Variants in FGF12 observed in about 807,000 individuals in gnomAD.
FGF12 encodes fibroblast growth factor 12.
In FGF12, 14 loss-of-function variants were observed where a neutral mutation model predicts 23.6. The ratio of observed to expected loss-of-function variants is 0.59; its 90% CI spans 0.39 to 0.93. The LOEUF (loss-of-function observed/expected upper bound fraction) is 0.93, where lower values mean the gene tolerates loss of function less well. Ranked by LOEUF, FGF12 falls within the 40% of genes least tolerant of loss-of-function variation. FGF12 has a pLI of 0.00. For synonymous variants in FGF12, 62 were observed against 77.3 expected (o/e 0.80, Z 1.04); for missense variants, 175 against 217.8 (o/e 0.80, Z 1.24).
chr3:192,163,989 A>C (rs953121397), intron 5 of FGF12, among the ~76,000 whole-genome samples: 1 of 152,130 alleles, frequency 6.6e-6, no homozygotes, highest in Non-Finnish European at 1.5e-5. Flanking sequence ...TTATTTCTCC[A>C]GGTCTCAGCT....
intron 2 of FGF12, among the ~76,000 whole-genome samples, chr3:192,521,640 T>A (rs1025532031): frequency 2.6e-5 from 4 of 152,146 alleles, no homozygotes; most frequent in Non-Finnish European, 5.9e-5. Flanking sequence ...CTATAAATTA[T>A]ACACATTTCT....
chr3:192,487,602 T>A (rs1404822411), intron 2 of FGF12, among the ~76,000 whole-genome samples: 3 of 152,112 alleles, frequency 2.0e-5, no homozygotes, highest in Non-Finnish European at 4.4e-5. Flanking sequence ...GGGCAGGGTA[T>A]TGTATACAAA....
chr3:192,722,449 G>A (rs891244943), intron 2 of FGF12, among the ~76,000 whole-genome samples: 2 of 152,190 alleles, frequency 1.3e-5, no homozygotes, highest in South Asian at 2.1e-4. Flanking sequence ...TACCTTAAGT[G>A]TGTTGGTTCA....
chr3:192,557,943 A>T (rs1711858445), intron 2 of FGF12, among the ~76,000 whole-genome samples: 1 of 151,954 alleles, frequency 6.6e-6, no homozygotes, highest in East Asian at 1.9e-4. Context: ...ACTATATATA[A>T]AAAACCAACA....
intron 2 of FGF12, among the ~76,000 whole-genome samples, chr3:192,394,751 T>G (rs185054876): frequency 6.6e-6 from 1 of 152,262 alleles, no homozygotes; most frequent in Admixed American, 6.5e-5. Flanking sequence ...AAGGTTGGGT[T>G]TCAAACCAAG....
intron 2 of FGF12, among the ~76,000 whole-genome samples, chr3:192,618,610 G>A (rs916705006): frequency 2.0e-5 from 3 of 152,018 alleles, no homozygotes; most frequent in African/African-American, 7.2e-5. Flanking sequence ...CTAAAACTCT[G>A]GCTCAGAAAT....
At chr3:192,656,332 T>C (rs1365939807) in intron 2 of FGF12, among the ~76,000 whole-genome samples, 1 of 148,458 alleles carries the variant, frequency 6.7e-6, no homozygotes, top group Non-Finnish European at 1.5e-5. Context: ...GAGAGAGAAT[T>C]ATAGTAAAGC....
intron 2 of FGF12, among the ~76,000 whole-genome samples, chr3:192,406,616 T>C (rs1273686853): frequency 6.6e-6 from 1 of 152,198 alleles, no homozygotes; most frequent in African/African-American, 2.4e-5. Flanking sequence ...TAGAGACTAA[T>C]AGCTCCTGTC....
At chr3:192,684,400 A>G (rs895844411) in intron 2 of FGF12, among the ~76,000 whole-genome samples, 1 of 152,210 alleles carries the variant, frequency 6.6e-6, no homozygotes, top group African/African-American at 2.4e-5. Context: ...GAACATGCCA[A>G]TCAAGACCAA....
intron 2 of FGF12, among the ~76,000 whole-genome samples, chr3:192,502,908 C>CT (rs147898010): frequency 6.6e-6 from 1 of 152,350 alleles, no homozygotes; most frequent in East Asian, 1.9e-4. Flanking sequence ...TAGCTAATAT[C>CT]TAGCTTAACA....
At chr3:192,167,759 ATATATATATAAAATTT>A (rs1444239423) in intron 5 of FGF12, among the ~76,000 whole-genome samples, 5 of 35,452 alleles carry the variant, frequency 1.4e-4, no homozygotes, top group African/African-American at 5.4e-4. Context: ...ATATATATAT[ATATATATATAAAATTT>A]TTTTTTTTTT....
At chr3:192,628,410 G>T (rs989608494) in intron 2 of FGF12, among the ~76,000 whole-genome samples, 2 of 149,688 alleles carry the variant, frequency 1.3e-5, no homozygotes, top group African/African-American at 2.5e-5. Flanking sequence ...TTTCCAGAGA[G>T]GCTATACAAT....
intron 2 of FGF12, among the ~76,000 whole-genome samples, chr3:192,506,550 T>G (rs1724305355): frequency 6.6e-6 from 1 of 152,080 alleles, no homozygotes; most frequent in Non-Finnish European, 1.5e-5. Flanking sequence ...TTTTGTATTT[T>G]TAGTAGAGAT....
At chr3:192,399,901 T>C (rs1243616819) in intron 2 of FGF12, among the ~76,000 whole-genome samples, 2 of 152,210 alleles carry the variant, frequency 1.3e-5, no homozygotes, top group Non-Finnish European at 2.9e-5. Flanking sequence ...AAAGACTCTA[T>C]AGAGTACAGT....
At chr3:192,554,396 TCCAA>T (rs2108588443) in intron 2 of FGF12, among the ~76,000 whole-genome samples, 1 of 151,940 alleles carries the variant, frequency 6.6e-6, no homozygotes, top group East Asian at 1.9e-4. Context: ...TTGTGGCAGC[TCCAA>T]AGAACACAAA....
At chr3:192,288,225 A>T (rs1372540750) in intron 4 of FGF12, among the ~76,000 whole-genome samples, 1 of 152,120 alleles carries the variant, frequency 6.6e-6, no homozygotes, top group Non-Finnish European at 1.5e-5. Context: ...CATTCACAAA[A>T]TACAAACAAT....
chr3:192,450,054 C>T (rs570780443), intron 2 of FGF12, among the ~76,000 whole-genome samples: 24 of 152,268 alleles, frequency 1.6e-4, no homozygotes, highest in African/African-American at 5.8e-4. Context: ...CTGAGTTGAC[C>T]ACAATTGATA....
intron 4 of FGF12, among the ~76,000 whole-genome samples, chr3:192,319,147 A>G (rs1472180536): frequency 6.6e-6 from 1 of 152,246 alleles, no homozygotes; most frequent in Non-Finnish European, 1.5e-5. Flanking sequence ...TCTGAAAGAA[A>G]ATAATGTGAA....
intron 2 of FGF12, among the ~76,000 whole-genome samples, chr3:192,565,996 G>A (rs1712261283): frequency 6.6e-6 from 1 of 152,196 alleles, no homozygotes; most frequent in South Asian, 2.1e-4. Context: ...TGAGGCAGGA[G>A]AATCACCTGA....
Sources: gnomAD v4.1 joint callset for allele counts (sites outside exome capture counted in the v4.1 genomes callset) on GRCh38, gnomAD v4.1.1 for gene constraint, MANE v1.5 for transcripts, NCBI Gene and HGNC (gene_info 2026-07-23, HGNC 2026-07-21) for gene names.